MDGA2: variants seen among roughly 807,000 people sequenced by gnomAD.
The protein encoded by MDGA2 is MAM domain containing glycosylphosphatidylinositol anchor 2.
In MDGA2, 40 loss-of-function variants were observed where a neutral mutation model predicts 117.8. The ratio of observed to expected loss-of-function variants is 0.34; its 90% CI spans 0.26 to 0.44. The LOEUF (loss-of-function observed/expected upper bound fraction) is 0.44, where lower values mean the gene tolerates loss of function less well. Ranked by LOEUF, MDGA2 falls within the 20% of genes least tolerant of loss-of-function variation. The pLI, the probability that MDGA2 is intolerant of heterozygous loss-of-function variation, is 1.00. For synonymous variants in MDGA2, 452 were observed against 439.0 expected, an observed-to-expected ratio of 1.03 and a Z score of -0.37; for missense variants, 1,123 against 1,250.6, an observed-to-expected ratio of 0.90 and a Z score of 1.54.
intron 11 of MDGA2, among the ~76,000 whole-genome samples, chr14:46,878,387 C>T (rs1466393427): frequency 6.6e-6 from 1 of 151,872 alleles, no homozygotes; most frequent in Non-Finnish European, 1.5e-5. Context: ...ATGTAGTTTC[C>T]CAGGATTACA....
At chr14:47,070,916 T>C (rs1285375877) in intron 6 of MDGA2, among the ~76,000 whole-genome samples, 1 of 152,192 alleles carries the variant, frequency 6.6e-6, no homozygotes, top group Non-Finnish European at 1.5e-5. Flanking sequence ...CCTATTCCAG[T>C]ACTTCCTATT....
intron 10 of MDGA2, among the ~76,000 whole-genome samples, chr14:46,912,695 A>G (rs1883752461): frequency 6.6e-6 from 1 of 152,192 alleles, no homozygotes; most frequent in Non-Finnish European, 1.5e-5. Context: ...TTAAATCTAT[A>G]CAAAGGCACC....
intron 1 of MDGA2, among the ~76,000 whole-genome samples, chr14:47,544,288 C>A (rs561381221): frequency 1.3e-5 from 2 of 152,256 alleles, no homozygotes; most frequent in Admixed American, 1.3e-4. Flanking sequence ...GTGCATTTTA[C>A]TAACTTGCTT....
At chr14:47,233,447 T>C (rs985968352) in intron 2 of MDGA2, among the ~76,000 whole-genome samples, 1 of 152,162 alleles carries the variant, frequency 6.6e-6, no homozygotes, top group Non-Finnish European at 1.5e-5. Context: ...TGTGAACATA[T>C]ATTCAACTTG....
intron 1 of MDGA2, among the ~76,000 whole-genome samples, chr14:47,547,350 A>G (rs1895483741): frequency 6.6e-6 from 1 of 152,206 alleles, no homozygotes; most frequent in Admixed American, 6.5e-5. Flanking sequence ...TTGGTTTTTC[A>G]TCCTTGCACC....
At chr14:47,450,171 A>T (rs1008561017) in intron 1 of MDGA2, among the ~76,000 whole-genome samples, 5 of 152,060 alleles carry the variant, frequency 3.3e-5, no homozygotes, top group African/African-American at 1.2e-4. Context: ...TTTATATGGT[A>T]AATGGATTTG....
intron 1 of MDGA2, among the ~76,000 whole-genome samples, chr14:47,415,494 A>T (rs761302929): frequency 2.6e-5 from 4 of 152,158 alleles, no homozygotes; most frequent in Non-Finnish European, 5.9e-5. Context: ...ATTTCAGTAT[A>T]TAGTTATAAT....
chr14:47,321,218 T>C (rs1889969592), intron 1 of MDGA2, among the ~76,000 whole-genome samples: 1 of 152,216 alleles, frequency 6.6e-6, no homozygotes, highest in Non-Finnish European at 1.5e-5. Context: ...TGGGTAACCC[T>C]ATGCATTTGC....
At chr14:47,355,703 G>A (rs564347230) in intron 1 of MDGA2, among the ~76,000 whole-genome samples, 9 of 152,018 alleles carry the variant, frequency 5.9e-5, no homozygotes, top group African/African-American at 1.7e-4. Context: ...GAGAGAGGAC[G>A]GCTGTCATCC....
At chr14:47,013,809 G>A (rs1488492411) in intron 8 of MDGA2, among the ~76,000 whole-genome samples, 1 of 53,648 alleles carries the variant, frequency 1.9e-5, no homozygotes, top group Admixed American at 2.0e-4. Context: ...TTTTTTTTTT[G>A]ACAGAGTGTT....
At chr14:47,544,196 T>A (rs77760955) in intron 1 of MDGA2, among the ~76,000 whole-genome samples, 18,732 of 152,128 alleles carry the variant, frequency 0.12, 1,342 homozygotes, top group African/African-American at 0.19. Context: ...TTATTAAAAG[T>A]CAAATTGTGT....
chr14:46,851,990 TTG>T (rs1881076980), intron 15 of MDGA2, among the ~76,000 whole-genome samples: 2 of 151,670 alleles, frequency 1.3e-5, no homozygotes, highest in African/African-American at 4.8e-5. Context: ...TGGCATGGGA[TTG>T]TTTAGTTGTG....
intron 1 of MDGA2, among the ~76,000 whole-genome samples, chr14:47,358,596 T>A (rs1471550102): frequency 1.3e-5 from 2 of 152,160 alleles, no homozygotes; most frequent in African/African-American, 4.8e-5. Flanking sequence ...TAAGAATGAA[T>A]TAATGAGTTC....
At chr14:47,264,354 G>C (rs888994280) in intron 2 of MDGA2, among the ~76,000 whole-genome samples, 8 of 152,194 alleles carry the variant, frequency 5.3e-5, no homozygotes, top group Middle Eastern at 3.4e-3. Context: ...CTCCAGGTAG[G>C]CTAAAAGTAT....
intron 1 of MDGA2, among the ~76,000 whole-genome samples, chr14:47,304,515 T>G (rs1397823099): frequency 2.6e-5 from 4 of 152,168 alleles, no homozygotes; most frequent in Non-Finnish European, 5.9e-5. Flanking sequence ...AGATTAAGAA[T>G]GTAAGTAGCA....
chr14:47,602,863 G>A (rs140078662), intron 1 of MDGA2, among the ~76,000 whole-genome samples: 2 of 152,298 alleles, frequency 1.3e-5, no homozygotes, highest in Admixed American at 6.5e-5. Flanking sequence ...GATTAGTCCT[G>A]CATAACACTT....
chr14:47,611,305 T>C (rs1474878456), intron 1 of MDGA2, among the ~76,000 whole-genome samples: 2 of 152,158 alleles, frequency 1.3e-5, no homozygotes, highest in African/African-American at 4.8e-5. Context: ...TAGGCAAAGA[T>C]TTCATGACCA....
intron 2 of MDGA2, among the ~76,000 whole-genome samples, chr14:47,237,764 T>C (rs1340654081): frequency 1.3e-5 from 2 of 152,072 alleles, no homozygotes; most frequent in African/African-American, 2.4e-5. Flanking sequence ...AAAATACATT[T>C]GATCTACTTT....
chr14:47,050,630 A>G (rs761413044), intron 7 of MDGA2, among the ~76,000 whole-genome samples: 1 of 151,990 alleles, frequency 6.6e-6, no homozygotes, highest in Non-Finnish European at 1.5e-5. Flanking sequence ...AATGCTACTC[A>G]TGTGTATCCA....
Sources: gnomAD v4.1 joint callset for allele counts (sites outside exome capture counted in the v4.1 genomes callset) on GRCh38, gnomAD v4.1.1 for gene constraint, MANE v1.5 for transcripts, NCBI Gene and HGNC (gene_info 2026-07-23, HGNC 2026-07-21) for gene names.